Variants in KIAA0825 observed in about 807,000 individuals in gnomAD.
The protein encoded by KIAA0825 is uncharacterized protein KIAA0825.
In KIAA0825, 119 loss-of-function variants were observed where a neutral mutation model predicts 147.6. The ratio of observed to expected loss-of-function variants is 0.81; its 90% CI spans 0.69 to 0.94. KIAA0825 has a LOEUF of 0.94. Ranked by LOEUF, KIAA0825 falls within the 40% of genes least tolerant of loss-of-function variation. KIAA0825 has a pLI of 0.00. For missense variants in KIAA0825, 1,381 were observed against 1,472.7 expected (o/e 0.94, Z 1.02); for synonymous variants, 470 against 518.1 (o/e 0.91, Z 1.26).
chr5:94,187,472 G>C (rs1052487136), intron 20 of KIAA0825, among the ~76,000 whole-genome samples: 6 of 148,034 alleles, frequency 4.1e-5, no homozygotes. Context: ...TGTCGCCCAG[G>C]CTGGAGTGCA....
chr5:94,281,951 C>T (rs1245641608), intron 20 of KIAA0825, among the ~76,000 whole-genome samples: 4 of 152,044 alleles, frequency 2.6e-5, no homozygotes, highest in Non-Finnish European at 4.4e-5. Flanking sequence ...TCAAGTATTC[C>T]GCCAAGAAGT....
At chr5:94,582,759 G>C (rs908407511) in intron 1 of KIAA0825, among the ~76,000 whole-genome samples, 176 bp from the exon 2 acceptor site, 1 of 152,090 alleles carries the variant, frequency 6.6e-6, no homozygotes, top group Non-Finnish European at 1.5e-5. Context: ...ACATACATAA[G>C]AAAAGCTTAT....
intron 16 of KIAA0825, 56 bp downstream of exon 16, chr5:94,403,513 C>T: frequency 1.5e-6 from 2 of 1,296,094 alleles, no homozygotes; most frequent in Non-Finnish European, 2.2e-6. Flanking sequence ...TGATTACATA[C>T]CCTAGAAAAT....
chr5:94,166,761 G>GC (rs1310727737), intron 20 of KIAA0825, among the ~76,000 whole-genome samples: 1 of 151,904 alleles, frequency 6.6e-6, no homozygotes, highest in Non-Finnish European at 1.5e-5. Flanking sequence ...ACCTGCCTCA[G>GC]CCTCCCAAAG....
At chr5:94,191,525 TA>T (rs1770679261) in intron 20 of KIAA0825, among the ~76,000 whole-genome samples, 1 of 152,230 alleles carries the variant, frequency 6.6e-6, no homozygotes, top group African/African-American at 2.4e-5. Flanking sequence ...AAAAGACTTT[TA>T]GGATTCATTA....
intron 20 of KIAA0825, among the ~76,000 whole-genome samples, chr5:94,376,291 T>C (rs974626989): frequency 6.6e-6 from 1 of 152,130 alleles, no homozygotes; most frequent in African/African-American, 2.4e-5. Context: ...CTATAGTAGA[T>C]ACAAAACCAG....
At chr5:94,591,706 G>C (rs982381225) in intron 1 of KIAA0825, among the ~76,000 whole-genome samples, 6 of 152,142 alleles carry the variant, frequency 3.9e-5, no homozygotes, top group African/African-American at 1.4e-4. Context: ...GACTGTATTA[G>C]TGCATTTTCA....
At chr5:94,334,444 A>C (rs941529581) in intron 20 of KIAA0825, among the ~76,000 whole-genome samples, 2 of 152,238 alleles carry the variant, frequency 1.3e-5, no homozygotes, top group Non-Finnish European at 2.9e-5. Context: ...AGAAGAAAAA[A>C]GGTAGAATAA....
intron 2 of KIAA0825, among the ~76,000 whole-genome samples, chr5:94,574,685 A>C (rs578025318): frequency 6.6e-6 from 1 of 152,092 alleles, no homozygotes; most frequent in East Asian, 1.9e-4. Context: ...GATTATTGCC[A>C]ATATATAATT....
intron 16 of KIAA0825, among the ~76,000 whole-genome samples, chr5:94,402,135 G>T (rs554766263): frequency 4.4e-4 from 67 of 152,226 alleles, no homozygotes; most frequent in African/African-American, 1.6e-3. Context: ...TACTCGGAAT[G>T]AGCATTTTAT....
intron 20 of KIAA0825, among the ~76,000 whole-genome samples, chr5:94,331,999 T>C (rs914244351): frequency 2.0e-5 from 3 of 151,432 alleles, no homozygotes; most frequent in Non-Finnish European, 2.9e-5. Flanking sequence ...CCATCTCTAC[T>C]AAAAATACAA....
At chr5:94,259,422 A>G (rs997082874) in intron 20 of KIAA0825, among the ~76,000 whole-genome samples, 4 of 152,066 alleles carry the variant, frequency 2.6e-5, no homozygotes, top group African/African-American at 7.2e-5. Context: ...GAATGCCCTC[A>G]GTAAGAATGT....
intron 20 of KIAA0825, among the ~76,000 whole-genome samples, chr5:94,267,715 C>G (rs1230483429): frequency 6.6e-6 from 1 of 152,166 alleles, no homozygotes; most frequent in Non-Finnish European, 1.5e-5. Context: ...GCAATTACCT[C>G]CCTCCTCCCC....
intron 2 of KIAA0825, among the ~76,000 whole-genome samples, chr5:94,553,116 T>G (rs991117632): frequency 2.0e-5 from 3 of 152,222 alleles, no homozygotes; most frequent in East Asian, 1.9e-4. Flanking sequence ...AACATCACTA[T>G]GTACCCATGT....
At chr5:94,178,161 A>G (rs1371601407) in intron 20 of KIAA0825, among the ~76,000 whole-genome samples, 2 of 151,976 alleles carry the variant, frequency 1.3e-5, no homozygotes, top group Non-Finnish European at 2.9e-5. Flanking sequence ...TTTTTCTAGT[A>G]TTCCATAGCC....
intron 20 of KIAA0825, among the ~76,000 whole-genome samples, chr5:94,184,701 TTATA>T (rs1769968152): frequency 6.6e-6 from 1 of 152,178 alleles, no homozygotes; most frequent in African/African-American, 2.4e-5. Context: ...ATGCATATAT[TTATA>T]TATACACATA....
chr5:94,394,041 G>C (rs1002778718), intron 17 of KIAA0825, among the ~76,000 whole-genome samples: 3 of 151,368 alleles, frequency 2.0e-5, no homozygotes. Flanking sequence ...TTGTAGAGAC[G>C]GGGTTTCATC....
intron 20 of KIAA0825, among the ~76,000 whole-genome samples, chr5:94,331,475 T>C (rs1315572203): frequency 6.6e-6 from 1 of 152,194 alleles, no homozygotes. Flanking sequence ...GTTTCACTGG[T>C]AAATTATTCC....
intron 1 of KIAA0825, among the ~76,000 whole-genome samples, chr5:94,601,903 C>A (rs573449636): frequency 6.6e-6 from 1 of 152,118 alleles, no homozygotes; most frequent in Non-Finnish European, 1.5e-5. Flanking sequence ...GTAAAAAGAT[C>A]AAATCTATGA....
Sources: allele counts gnomAD v4.1 joint callset (sites outside exome capture counted in the v4.1 genomes callset), GRCh38; gene constraint gnomAD v4.1.1; transcripts MANE v1.5; gene names NCBI Gene and HGNC (gene_info 2026-07-23, HGNC 2026-07-21).